Variants in GRIK1 observed in about 807,000 individuals in gnomAD.
The protein encoded by GRIK1 is glutamate receptor ionotropic, kainate 1.
A neutral mutation model predicts 105.7 loss-of-function variants in GRIK1; 69 were observed. The ratio of observed to expected loss-of-function variants is 0.65; its 90% CI spans 0.54 to 0.80. The LOEUF (loss-of-function observed/expected upper bound fraction) is 0.80. GRIK1 is among the 30% of genes least tolerant of loss of function. The probability of loss-of-function intolerance (pLI) is 0.00; values close to 1 mark genes in which losing one functional copy is unlikely to be tolerated. For synonymous variants in GRIK1, 438 were observed against 431.3 expected (o/e 1.02, Z -0.19); for missense variants, 1,109 against 1,167.3 (o/e 0.95, Z 0.73).
intron 16 of GRIK1, chr21:29,553,621 T>C: frequency 6.2e-7 from 1 of 1,610,202 alleles, no homozygotes; most frequent in East Asian, 2.2e-5. Flanking sequence ...TACCACATTC[T>C]AAATCCGTAG....
At chr21:29,918,537 A>G (rs544662377) in intron 1 of GRIK1, among the ~76,000 whole-genome samples, 18 of 152,086 alleles carry the variant, frequency 1.2e-4, no homozygotes, top group Non-Finnish European at 1.6e-4. Flanking sequence ...TATCTCCTTT[A>G]TCTAAATTGA....
At chr21:29,731,833 T>A (rs893989423) in intron 1 of GRIK1, among the ~76,000 whole-genome samples, 4 of 152,204 alleles carry the variant, frequency 2.6e-5, no homozygotes, top group African/African-American at 9.6e-5. Context: ...TGGGGCATTG[T>A]CCCATAAACT....
At chr21:29,936,712 G>A (rs909265825) in intron 1 of GRIK1, among the ~76,000 whole-genome samples, 12 of 152,288 alleles carry the variant, frequency 7.9e-5, no homozygotes, top group Middle Eastern at 3.4e-3. Context: ...CTCAAATCAC[G>A]TGTCTATGTG....
chr21:29,657,726 G>A (rs189501426), intron 4 of GRIK1: 3 of 152,302 alleles, frequency 2.0e-5, no homozygotes, highest in Admixed American at 6.5e-5. Flanking sequence ...CACCAAAGGC[G>A]GTGCTTTTAA....
At chr21:29,622,379 A>C (rs2062024613) in intron 7 of GRIK1, among the ~76,000 whole-genome samples, 1 of 152,224 alleles carries the variant, frequency 6.6e-6, no homozygotes, top group African/African-American at 2.4e-5. Context: ...ACGTTGGAAG[A>C]CATGCTTTAG....
At chr21:29,938,322 C>T (rs2071843336) in intron 1 of GRIK1, among the ~76,000 whole-genome samples, 1 of 152,190 alleles carries the variant, frequency 6.6e-6, no homozygotes, top group Non-Finnish European at 1.5e-5. Context: ...ACTAAGAGAC[C>T]CATGTGATGT....
chr21:29,715,157 A>C (rs1227862123), intron 1 of GRIK1, among the ~76,000 whole-genome samples: 1 of 152,184 alleles, frequency 6.6e-6, no homozygotes, highest in Non-Finnish European at 1.5e-5. Context: ...AGGGTTGTTC[A>C]GGAATGTGTG....
At chr21:29,835,690 G>A (rs182965003) in intron 1 of GRIK1, among the ~76,000 whole-genome samples, 4 of 152,202 alleles carry the variant, frequency 2.6e-5, no homozygotes, top group Non-Finnish European at 5.9e-5. Context: ...AAATCCATCT[G>A]GTCTTGGGCC....
intron 1 of GRIK1, among the ~76,000 whole-genome samples, chr21:29,742,407 C>A (rs910710433): frequency 1.3e-5 from 2 of 152,184 alleles, no homozygotes; most frequent in South Asian, 2.1e-4. Flanking sequence ...CCTTCAAGTA[C>A]AACATCCATT....
rs756478656 is a variant in GRIK1 at position 29,689,893 on chromosome 21, C to T, written c.379G>A (p.Glu127Lys). The T allele has an allele frequency of 7.4e-6, 12 of 1,613,706 alleles. No individual in the cohort carries two copies. The highest frequency in any genetic ancestry group is 1.6e-4 in the Middle Eastern group (1 of 6,062). ...SAVQSICNAL[E>K]VPHIQTRWKH... ...CAGCGGGTCTGTATGTGTGGAACTT[C>T]GAGAGCATTGCAAATAGACTGCACA... Residue 127 changes from glutamate (E) to lysine (K), a missense_variant, in exon 3 of 18, where the codon GAA (glutamate) becomes AAA (lysine). Transcript: ENST00000327783.
At chr21:29,629,578 C>T (rs759293003) in intron 7 of GRIK1, among the ~76,000 whole-genome samples, 3 of 151,892 alleles carry the variant, frequency 2.0e-5, no homozygotes, top group Non-Finnish European at 2.9e-5. Flanking sequence ...CAAACTCCGC[C>T]TCCCAGGTTC....
chr21:29,846,286 G>A (rs2068110315), intron 1 of GRIK1, among the ~76,000 whole-genome samples: 1 of 151,832 alleles, frequency 6.6e-6, no homozygotes, highest in Non-Finnish European at 1.5e-5. Context: ...TACTCGGGAG[G>A]CTGAGGCAGG....
intron 6 of GRIK1, among the ~76,000 whole-genome samples, chr21:29,645,191 A>G (rs1214377838): frequency 6.6e-6 from 1 of 152,218 alleles, no homozygotes; most frequent in Non-Finnish European, 1.5e-5. Context: ...GTATACAGAC[A>G]GGGAAATTGA....
chr21:29,639,162 G>A (rs571211047), intron 7 of GRIK1, among the ~76,000 whole-genome samples: 19 of 152,222 alleles, frequency 1.2e-4, no homozygotes, highest in Non-Finnish European at 2.8e-4. Context: ...TGAACACAGT[G>A]TGTCCTGAAG....
chr21:29,862,117 G>C (rs1170998902), intron 1 of GRIK1, among the ~76,000 whole-genome samples: 2 of 152,066 alleles, frequency 1.3e-5, no homozygotes, highest in Non-Finnish European at 2.9e-5. Flanking sequence ...CTCCCCAGTA[G>C]CTGGGACTAC....
At chr21:29,673,225 G>T (rs2063194847) in intron 3 of GRIK1, 61 bp from the exon 4 acceptor site, 2 of 1,165,914 alleles carry the variant, frequency 1.7e-6, no homozygotes. Flanking sequence ...ATTGTTTATT[G>T]CCATTTAGTT....
At chr21:29,824,363 A>G (rs1282741522) in intron 1 of GRIK1, among the ~76,000 whole-genome samples, 1 of 151,974 alleles carries the variant, frequency 6.6e-6, no homozygotes, top group African/African-American at 2.4e-5. Flanking sequence ...GGGTTATCAT[A>G]GTATACAAAT....
chr21:29,796,374 A>T (rs1371707414), intron 1 of GRIK1, among the ~76,000 whole-genome samples: 1 of 152,162 alleles, frequency 6.6e-6, no homozygotes, highest in Non-Finnish European at 1.5e-5. Context: ...GCCCCAATCA[A>T]TTTAATGATA....
chr21:29,752,679 A>G (rs1278359695), intron 1 of GRIK1, among the ~76,000 whole-genome samples: 1 of 152,130 alleles, frequency 6.6e-6, no homozygotes, highest in Non-Finnish European at 1.5e-5. Flanking sequence ...AAAATTAAAA[A>G]AATAAAAAAT....
Sources: allele counts gnomAD v4.1 joint callset (sites outside exome capture counted in the v4.1 genomes callset), GRCh38; gene constraint gnomAD v4.1.1; transcripts MANE v1.5; gene names NCBI Gene and HGNC (gene_info 2026-07-23, HGNC 2026-07-21).